The following LETM2 variants were observed in gnomAD, a reference collection of about 807,000 sequenced individuals.
LETM2 encodes LETM1 domain-containing protein LETM2, mitochondrial.
Under a neutral mutation model 59.6 loss-of-function variants are expected in LETM2, and 58 were observed. That is an observed-to-expected ratio of 0.97 (90% CI 0.79 to 1.21). The LOEUF (loss-of-function observed/expected upper bound fraction) is 1.21. Among genes scored for constraint, LETM2 ranks in the 50% most tolerant of loss-of-function variants. The pLI, the probability that LETM2 is intolerant of heterozygous loss-of-function variation, is 0.00. For synonymous variants in LETM2, 199 were observed against 214.1 expected (o/e 0.93, Z 0.62); for missense variants, 572 against 575.7 (o/e 0.99, Z 0.07).
chr8:38,384,434 A>G (rs1345701055), upstream of LETM2, among the ~76,000 whole-genome samples: 1 of 152,238 alleles, frequency 6.6e-6, no homozygotes, highest in Non-Finnish European at 1.5e-5. Flanking sequence ...ATAATAGTTT[A>G]CATTTTCAGT....
rs1240346216 is a variant in LETM2, at chr8:38,393,100, G to GT, written c.501+106dup. ...TAAACTTCATCTTAAAAATCCCAGA[G>GT]TAGGAATAATAACTGCTGGTGAGAA... On this transcript the variant is annotated intron_variant, in intron 3 of 10. Transcript: ENST00000379957. 39 of 1,013,088 alleles carry GT rather than the reference G, an allele frequency of 3.8e-5. No homozygotes were observed. The African/African-American group carries it at 5.1e-4, about 13-fold the overall frequency. 62.8% of individuals were successfully genotyped at this position (1,013,088 alleles called of 1,614,324 possible).
chr8:38,400,171 A>T, intron 4 of LETM2, 101 bp from the exon 5 acceptor site: 1 of 867,362 alleles, frequency 1.2e-6, no homozygotes, highest in Non-Finnish European at 1.8e-6. Flanking sequence ...TACATGATGT[A>T]GGGATGAGCA....
chr8:38,384,471 A>T (rs1168421237), upstream of LETM2, among the ~76,000 whole-genome samples: 1 of 152,226 alleles, frequency 6.6e-6, no homozygotes, highest in Non-Finnish European at 1.5e-5. Flanking sequence ...GGTTTAGACG[A>T]TGCTTACTGT....
At chr8:38,389,554 C>T (rs1306746188) in intron 2 of LETM2, among the ~76,000 whole-genome samples, 3 of 152,020 alleles carry the variant, frequency 2.0e-5, no homozygotes, top group East Asian at 3.9e-4. Flanking sequence ...AGACTATTCA[C>T]TGAGCACTTA....
In LETM2 at chr8:38,408,588, A is replaced by G. The variant is rs1813935416; in HGVS notation, c.*314A>G. 4.6e-6 allele frequency: 1 copy of G among 217,756 alleles called. No individual in the cohort carries two copies. The highest frequency in any genetic ancestry group is 9.3e-6 in the Non-Finnish European group (1 of 107,778). 13.5% of individuals were successfully genotyped at this position (217,756 alleles called of 1,614,324 possible). A position where few individuals can be genotyped will look rare whatever the true frequency, so the allele number is the denominator to read the frequency against. On this transcript the variant is annotated 3_prime_UTR_variant, in exon 11 of 11. Transcript: ENST00000379957. ...ATGTGTACGTCCCTTCAGAGAGGAA[A>G]TTTTTTGCACAATGGAATCAGCTTG... is the stretch of plus-strand genomic sequence containing the variant.
chr8:38,383,587 T>C (rs529561575), upstream of LETM2: 2 of 152,132 alleles, frequency 1.3e-5, no homozygotes, highest in East Asian at 1.9e-4. Flanking sequence ...AGGGCACTAA[T>C]TATGAACTAT....
rs183585219 is a variant in LETM2, at chr8:38,388,110, G to A, written c.47+80G>A. On this transcript the variant is annotated intron_variant, in intron 2 of 10. Coordinates refer to ENST00000379957, the MANE Select transcript of LETM2 (RefSeq NM_001286819.2). ...TTTTTTTTTTTTCTGAGATGGAGTC[G>A]CACTCTGTCGCCCAGGCTGGAGTTC... is the stretch of plus-strand genomic sequence containing the variant. 3.7e-4 allele frequency: 346 copies of A among 933,870 alleles called. No individual in the cohort carries two copies. The African/African-American group carries it at 5.5e-3, about 15-fold the overall frequency. The allele number at this position is 933,870 out of a possible 1,614,324, so 57.8% of individuals were successfully genotyped here. A position where few individuals can be genotyped will look rare whatever the true frequency, so the allele number is the denominator to read the frequency against.
At chr8:38,387,922 A>G (rs912268758) in intron 1 of LETM2, 28 bp from the exon 2 acceptor site, 13 of 890,188 alleles carry the variant, frequency 1.5e-5, no homozygotes, top group African/African-American at 3.4e-5. Flanking sequence ...TTAAACTACT[A>G]AATTGTTTAC....
chr8:38,391,299 A>ATTTTTTTTTTTTTTTTTTTTTTT (rs1812243550), intron 2 of LETM2, among the ~76,000 whole-genome samples: 1 of 112,978 alleles, frequency 8.9e-6, no homozygotes, highest in Non-Finnish European at 1.9e-5. Context: ...ATTTTATTTT[A>ATTTTTTTTTTTTTTTTTTTTTTT]GTTTTTTTTT....
chr8:38,402,510 T>TTACATTTCTTTCAGA lies in LETM2; in HGVS notation c.985-12_987dup. ...GAATCAAAAGTTCCAACTCCATCCCTTACATTTCTTTCAGATAATTGCCAA... is the reference window on the plus strand; with the variant it reads ...GAATCAAAAGTTCCAACTCCATCCCTTACATTTCTTTCAGATACATTTCTTTCAGATAATTGCCAA... On this transcript the variant is annotated splice_polypyrimidine_tract_variant and intron_variant, in intron 6 of 10. Coordinates refer to ENST00000379957, the MANE Select transcript of LETM2 (RefSeq NM_001286819.2). 1 of 1,613,364 alleles carries TTACATTTCTTTCAGA rather than the reference T, an allele frequency of 6.2e-7. No individual in the cohort carries two copies. The highest frequency in any genetic ancestry group is 8.5e-7 in the Non-Finnish European group (1 of 1,179,362).
chr8:38,391,008 T>TTTTGTTTTTGGC lies in LETM2; in HGVS notation c.48-1533_48-1522dup, dbSNP rs1201553723. Among the ~76,000 whole-genome samples, 4 of 151,326 alleles carry TTTTGTTTTTGGC rather than the reference T, an allele frequency of 2.6e-5. 1 individual carries two copies. Among genetic ancestry groups the TTTTGTTTTTGGC allele is most frequent in the Non-Finnish European group, 4.4e-5 (3 of 67,848 alleles). ...AAATTTTTTTTGCTTTTGTTTTTGG[T>TTTTGTTTTTGGC]TTTGTTTTTGGCATGTTCTAAAATA... is the stretch of plus-strand genomic sequence containing the variant. On this transcript the variant is annotated intron_variant, in intron 2 of 10. Transcript: ENST00000379957.
intron 4 of LETM2, 106 bp downstream of exon 4, chr8:38,394,347 T>C (rs1362085184): frequency 3.9e-6 from 2 of 515,974 alleles, no homozygotes; most frequent in Non-Finnish European, 6.6e-6. Flanking sequence ...CCCAACCCCA[T>C]CCCAATTTCT....
chr8:38,386,466 A>C (rs1449282093), upstream of LETM2: 1 of 152,198 alleles, frequency 6.6e-6, no homozygotes, highest in Non-Finnish European at 1.5e-5. Context: ...GCGAGGAAAG[A>C]GGCGGAACCG....
chr8:38,402,656 C>T lies in LETM2; in HGVS notation c.1104+12C>T, dbSNP rs200956177. On this transcript the variant is annotated intron_variant, in intron 7 of 10. Transcript: ENST00000379957. ...AACAGCTCACGGAGGCAAGTAGCAG[C>T]GCCCCTCTGGGGTCCTCTTCCCTAG... 9.0e-4 allele frequency: 1,452 copies of T among 1,613,634 alleles called. 1 individual carries two copies. The highest frequency in any genetic ancestry group is 1.2e-3 in the Non-Finnish European group (1,367 of 1,179,696).
upstream of LETM2, among the ~76,000 whole-genome samples, chr8:38,383,678 C>G (rs1361407562): frequency 6.6e-6 from 1 of 151,650 alleles, no homozygotes. Flanking sequence ...CGCCTGTAAT[C>G]CCAGCACTTT....
intron 10 of LETM2, 97 bp from the exon 11 acceptor site, chr8:38,408,114 TG>T: frequency 1.2e-6 from 1 of 806,788 alleles, no homozygotes; most frequent in Non-Finnish European, 2.0e-6. Context: ...TTTGACTTTG[TG>T]GTCACTATTT....
At chr8:38,390,103 C>T (rs890339512) in intron 2 of LETM2, among the ~76,000 whole-genome samples, 1 of 151,600 alleles carries the variant, frequency 6.6e-6, no homozygotes, top group African/African-American at 2.4e-5. Flanking sequence ...GGCCTGTAGT[C>T]CTAGCTACTC....
At chr8:38,401,597 T>C (rs545491660) in intron 6 of LETM2, 1 of 159,620 alleles carries the variant, frequency 6.3e-6, no homozygotes, top group South Asian at 1.8e-4. Context: ...AGTTAGTAAT[T>C]TGGATGTCTT....
At chr8:38,400,810 G>A (rs751655202) in intron 5 of LETM2, 43 bp from the exon 6 acceptor site, 3 of 1,547,276 alleles carry the variant, frequency 1.9e-6, no homozygotes, top group African/African-American at 2.7e-5. Context: ...GTTAAATTAA[G>A]TAGAAAACAC....
Sources: gnomAD v4.1 joint callset for allele counts (sites outside exome capture counted in the v4.1 genomes callset) on GRCh38, gnomAD v4.1.1 for gene constraint, MANE v1.5 for transcripts, NCBI Gene and HGNC (gene_info 2026-07-23, HGNC 2026-07-21) for gene names.